SLC38A5: variants seen among roughly 807,000 people sequenced by gnomAD.
The protein encoded by SLC38A5 is solute carrier family 38 member 5.
In SLC38A5, 9 loss-of-function variants were observed where a neutral mutation model predicts 34.6. The observed-to-expected ratio is 0.26, with a 90% CI of 0.16 to 0.45. SLC38A5 has a LOEUF of 0.45. Among genes scored for constraint, SLC38A5 ranks in the 20% least tolerant of loss-of-function variants. The pLI is 1.00. For missense variants in SLC38A5, 253 were observed against 394.7 expected (o/e 0.64, Z 3.04); for synonymous variants, 157 against 155.6 (o/e 1.01, Z -0.07).
In SLC38A5 at chrX:48,458,731, T is replaced by C; in HGVS notation, c.*202A>G. On this transcript the variant is annotated 3_prime_UTR_variant, in exon 17 of 17. Coordinates refer to ENST00000620913, the MANE Select transcript of SLC38A5 (RefSeq NM_033518.4). Reference sequence around the variant, plus strand: ...TCCTCCTCCTCCCATGGGGTTGGGGTTGGGATTAGGGCCATGATCCAAGCT... The same window carrying C: ...TCCTCCTCCTCCCATGGGGTTGGGGCTGGGATTAGGGCCATGATCCAAGCT... The C allele has an allele frequency of 1.0e-6, 1 of 969,769 alleles. No individual in the cohort carries two copies. The highest frequency in any genetic ancestry group is 1.3e-6 in the Non-Finnish European group (1 of 770,561). 79.9% of individuals were successfully genotyped at this position (969,769 alleles called of 1,213,427 possible). A position where few individuals can be genotyped will look rare whatever the true frequency, so the allele number is the denominator to read the frequency against.
intron 12 of SLC38A5, among the ~76,000 whole-genome samples, 174 bp from the exon 13 acceptor site, chrX:48,461,260 C>T (rs1344449082): frequency 9.0e-6 from 1 of 110,973 alleles, no homozygotes; most frequent in East Asian, 2.8e-4. Flanking sequence ...CCCTCTCTGA[C>T]CATCCATATC....
intron 14 of SLC38A5, 38 bp from the exon 15 acceptor site, chrX:48,459,914 A>G: frequency 1.7e-6 from 2 of 1,182,442 alleles, no homozygotes; most frequent in Non-Finnish European, 2.3e-6. Context: ...GTCAGGACCC[A>G]AGTGCTGCCC....
rs142925547 is a variant in SLC38A5, at chrX:48,462,073, G to A, written c.705C>T (p.Leu235=). Residue 235 remains leucine (L), a synonymous_variant, in exon 11 of 17, where the codon CTC becomes CTT. Coordinates refer to ENST00000620913, the MANE Select transcript of SLC38A5 (RefSeq NM_033518.4). Reference sequence around the variant, plus strand: ...TGAGTCCTTGGCTGGGGAGTCCCACGAGAGCTTCACTCTCCATTGCTGTTT... The same window carrying A: ...TGAGTCCTTGGCTGGGGAGTCCCACAAGAGCTTCACTCTCCATTGCTGTTT... ...HNETAMESEA[L]VGLPSQGLNS... 85 of 1,166,239 alleles carry A rather than the reference G, an allele frequency of 7.3e-5. No individual in the cohort carries two copies. The African/African-American group carries it at 1.1e-3, about 15-fold the overall frequency.
chrX:48,462,070 C>A lies in SLC38A5; in HGVS notation c.708G>T (p.Val236=). The A allele has an allele frequency of 8.6e-7, 1 of 1,167,737 alleles. No homozygotes were observed. Among genetic ancestry groups the A allele is most frequent in the South Asian group, 2.0e-5 (1 of 50,034 alleles). ...NETAMESEAL[V]GLPSQGLNSS... is the part of the protein sequence containing the mutation. ...TGTTGAGTCCTTGGCTGGGGAGTCC[C>A]ACGAGAGCTTCACTCTCCATTGCTG... Residue 236 remains valine (V), a synonymous_variant, in exon 11 of 17, where the codon GTG becomes GTT. Coordinates refer to ENST00000620913, the MANE Select transcript of SLC38A5 (RefSeq NM_033518.4).
intron 13 of SLC38A5, 36 bp downstream of exon 13, chrX:48,460,950 C>T (rs1556961716): frequency 1.0e-6 from 1 of 971,968 alleles, no homozygotes; most frequent in Admixed American, 2.5e-5. Context: ...CCCAGGCCTT[C>T]CCCCTCCCCC....
chrX:48,459,701 G>T (rs2061421603), intron 15 of SLC38A5, 31 bp downstream of exon 15: 2 of 1,198,163 alleles, frequency 1.7e-6, no homozygotes, highest in African/African-American at 1.8e-5. Context: ...CATATTAGAT[G>T]GGGTATGGGA....
At chrX:48,462,525 C>T (rs908307326) in intron 9 of SLC38A5, among the ~76,000 whole-genome samples, 2 of 111,184 alleles carry the variant, frequency 1.8e-5, no homozygotes, top group East Asian at 5.6e-4. Context: ...AGGAGAATCG[C>T]TTGAACCGGG....
At chrX:48,463,132 C>T in intron 8 of SLC38A5, 152 bp from the exon 9 acceptor site, 1 of 446,177 alleles carries the variant, frequency 2.2e-6, no homozygotes, top group Non-Finnish European at 3.9e-6. Context: ...CAGGTGGTCA[C>T]AGTGACAAAC....
intron 8 of SLC38A5, 81 bp from the exon 9 acceptor site, chrX:48,463,061 AG>A (rs2147063655): frequency 2.5e-6 from 2 of 799,595 alleles, no homozygotes; most frequent in South Asian, 5.3e-5. Context: ...ACAGCTGGAC[AG>A]GCAGCTTTCT....
At chrX:48,461,158 T>C in intron 12 of SLC38A5, 72 bp from the exon 13 acceptor site, 1 of 893,007 alleles carries the variant, frequency 1.1e-6, no homozygotes, top group Non-Finnish European at 1.6e-6. Context: ...AAAGCCAGCC[T>C]CCACCCTCCA....
Position 48,466,317 on chromosome X carries a change from G to A in SLC38A5, c.325C>T (p.Arg109Ter). 3.3e-6 allele frequency: 4 copies of A among 1,195,178 alleles called. No individual in the cohort carries two copies. Among genetic ancestry groups the A allele is most frequent in the Non-Finnish European group, 4.5e-6 (4 of 887,072 alleles). ...CTCTGTCCCAGCTGCTCATAGGCTC[G>A]GATGCCTAGCGGGGGGAGTCAGGAA... Reference protein sequence around the residue: ...LLTCAGIAGIRAYEQLGQRAF... With the variant: ...LLTCAGIAGI Residue 109 changes from arginine (R) to a stop codon, truncating the protein, a stop_gained, in exon 7 of 17, where the codon CGA (arginine) becomes TGA (stop). Transcript: ENST00000620913. LOFTEE classifies it high-confidence loss of function.
At position 48,461,006 on chromosome X, in the gene SLC38A5, A is replaced by G. The variant is rs1556961751; in HGVS notation, c.932T>C (p.Phe311Ser). ...MFCMYGLTAT[F>S]GYLTFYSSVK... is the part of the protein sequence containing the mutation. Reference sequence around the variant, plus strand: ...CTCACTGTAGAAGGTGAGGTATCCAAAGGTTGCTGTGAGCCCATACATGCA... The same window carrying G: ...CTCACTGTAGAAGGTGAGGTATCCAGAGGTTGCTGTGAGCCCATACATGCA... Residue 311 changes from phenylalanine (F) to serine (S), a missense_variant, in exon 13 of 17, where the codon TTT becomes TCT. Around this residue, in one of 3 missense-constraint regions of SLC38A5, gnomAD observed 176 missense variants for 273.0 expected, o/e 0.64. Coordinates refer to ENST00000620913, the MANE Select transcript of SLC38A5 (RefSeq NM_033518.4). 6 of 1,208,271 alleles carry G rather than the reference A, an allele frequency of 5.0e-6. No individual in the cohort carries two copies. Among genetic ancestry groups the G allele is most frequent in the Non-Finnish European group, 6.7e-6 (6 of 893,822 alleles).
At position 48,467,711 on chromosome X, in the gene SLC38A5, T is replaced by A. The variant is rs1556963860; in HGVS notation, c.128A>T (p.Asp43Val). 2.5e-6 allele frequency: 3 copies of A among 1,206,752 alleles called. No individual in the cohort carries two copies. Among genetic ancestry groups the A allele is most frequent in the Non-Finnish European group, 3.4e-6 (3 of 893,198 alleles). ...GACAGATCCTGTGGGGCCACTCACA[T>A]CCATGAACTGGACCGGCTTGCTCCC... The part of the protein sequence containing the change: ...APGSKPVQFM[D>V]FEGKTSFGMS... The change falls in exon 4 of 17, where the codon GAT becomes GTT. Residue 43 changes from aspartate (D) to valine (V), a missense_variant and splice_region_variant. Around this residue, in one of 3 missense-constraint regions of SLC38A5, gnomAD observed 40 missense variants for 36.4 expected, o/e 1.10. Coordinates refer to ENST00000620913, the MANE Select transcript of SLC38A5 (RefSeq NM_033518.4).
intron 14 of SLC38A5, among the ~76,000 whole-genome samples, chrX:48,460,164 C>A (rs2061424919): frequency 9.0e-6 from 1 of 110,891 alleles, no homozygotes. Flanking sequence ...ACCATCTTTG[C>A]CTTCTCCTTC....
intron 9 of SLC38A5, 69 bp downstream of exon 9, chrX:48,462,829 G>C: frequency 1.2e-6 from 1 of 849,219 alleles, no homozygotes; most frequent in Admixed American, 2.9e-5. Flanking sequence ...AAAATGAATG[G>C]GGGTTTTCTC....
intron 8 of SLC38A5, among the ~76,000 whole-genome samples, chrX:48,465,494 G>A (rs1435208128): frequency 8.9e-6 from 1 of 112,049 alleles, no homozygotes; most frequent in African/African-American, 3.2e-5. Flanking sequence ...CAGCTAGACG[G>A]AGTCAGTGAT....
Position 48,469,421 on chromosome X carries a change from T to G in SLC38A5, c.-88A>C, listed in dbSNP as rs1602038446. 1 of 106,912 alleles carries G rather than the reference T, an allele frequency of 9.4e-6. No homozygotes were observed. The highest frequency in any genetic ancestry group is 2.8e-4 in the East Asian group (1 of 3,526). 8.8% of individuals were successfully genotyped at this position (106,912 alleles called of 1,213,427 possible). A position where few individuals can be genotyped will look rare whatever the true frequency, so the allele number is the denominator to read the frequency against. ...TGCCTAGGCTCCTGCTCTGGAGCGG[T>G]ACTTTTTTTTTTTTCCTGAGAAGAA... On this transcript the variant is annotated 5_prime_UTR_variant, in exon 2 of 17. Transcript: ENST00000620913.
At position 48,460,964 on chromosome X, in the gene SLC38A5, C is replaced by T. The variant is rs1556961738; in HGVS notation, c.952+22G>A. The T allele has an allele frequency of 5.3e-6, 6 of 1,142,574 alleles. No individual in the cohort carries two copies. The East Asian group carries it at 1.8e-4, about 35-fold the overall frequency. The allele number at this position is 1,142,574 out of a possible 1,213,427, so 94.2% of individuals were successfully genotyped here. On this transcript the variant is annotated intron_variant, in intron 13 of 16. Transcript: ENST00000620913. ...CCCCAGGCCTTCCCCCTCCCCCCAG[C>T]CCTAGCCCCAGCCCCACTCACTGTA...
chrX:48,468,630 C>T, intron 2 of SLC38A5: 1 of 176,502 alleles, frequency 5.7e-6, no homozygotes, highest in Non-Finnish European at 9.0e-6. Context: ...AACCGAGCCC[C>T]TTCCCAGGGA....
Sources: allele counts gnomAD v4.1 joint callset (sites outside exome capture counted in the v4.1 genomes callset), GRCh38; gene constraint gnomAD v4.1.1; regional missense constraint gnomAD v4.1.1; transcripts MANE v1.5; gene names NCBI Gene and HGNC (gene_info 2026-07-23, HGNC 2026-07-21).